CAST: variants seen among roughly 807,000 people sequenced by gnomAD.
CAST encodes the protein calpastatin.
In CAST, 76 loss-of-function variants were observed where a neutral mutation model predicts 119.6. The ratio of observed to expected loss-of-function variants is 0.64; its 90% CI spans 0.53 to 0.77. The LOEUF is 0.77. CAST is among the 30% of genes least tolerant of loss of function. The pLI is 0.00. For synonymous variants in CAST, 319 were observed against 331.6 expected (o/e 0.96, Z 0.41); for missense variants, 953 against 946.5 (o/e 1.01, Z -0.09).
At chr5:95,974,373 A>G in the CAST span, among the ~76,000 whole-genome samples, 1 of 152,202 alleles carries the variant, frequency 6.6e-6, no homozygotes, top group African/African-American at 2.4e-5. Flanking sequence ...TTACTTTAAC[A>G]GGTACGCTCC....
At chr5:96,284,431 C>A in the CAST span, among the ~76,000 whole-genome samples, 2 of 152,126 alleles carry the variant, frequency 1.3e-5, no homozygotes, top group African/African-American at 4.8e-5. Flanking sequence ...CTGCAGCTAA[C>A]CAGCATGGGG....
chr5:96,667,786 G>A (rs1047250812), intron 1 of CAST, among the ~76,000 whole-genome samples: 3 of 152,134 alleles, frequency 2.0e-5, no homozygotes, highest in African/African-American at 7.2e-5. Flanking sequence ...AGGCTGAGGC[G>A]GATGGATCAC....
the CAST span, among the ~76,000 whole-genome samples, chr5:96,169,784 A>T: frequency 1.3e-5 from 2 of 152,090 alleles, no homozygotes; most frequent in Non-Finnish European, 2.9e-5. Flanking sequence ...TGAATTGGTG[A>T]AAAAGGAGAC....
the CAST span, among the ~76,000 whole-genome samples, chr5:96,424,273 TG>T: frequency 1.3e-5 from 2 of 152,150 alleles, no homozygotes; most frequent in African/African-American, 4.8e-5. Context: ...ATAAAGAGGT[TG>T]GGGGGTGGGG....
At chr5:96,731,484 T>C (rs1264471853) in intron 9 of CAST, among the ~76,000 whole-genome samples, 1 of 151,524 alleles carries the variant, frequency 6.6e-6, no homozygotes, top group Non-Finnish European at 1.5e-5. Flanking sequence ...TTTTTTTTTT[T>C]TTTTTTGCAT....
chr5:95,961,991 G>A, the CAST span: 1 of 422,836 alleles, frequency 2.4e-6, no homozygotes, highest in Non-Finnish European at 4.1e-6. Flanking sequence ...ACGGGGGCGG[G>A]CCCAAAGTCA....
At chr5:96,602,791 G>A (rs1439854532) in intron 1 of CAST, among the ~76,000 whole-genome samples, 1 of 152,176 alleles carries the variant, frequency 6.6e-6, no homozygotes, top group Non-Finnish European at 1.5e-5. Context: ...TAAACTTATG[G>A]GAGAAGACCA....
chr5:96,616,022 G>C (rs533878489), intron 1 of CAST, among the ~76,000 whole-genome samples: 1 of 152,246 alleles, frequency 6.6e-6, no homozygotes, highest in South Asian at 2.1e-4. Flanking sequence ...GGCCAGTCTA[G>C]TCTTTTCACG....
chr5:96,317,712 TC>T, the CAST span, among the ~76,000 whole-genome samples: 1 of 152,138 alleles, frequency 6.6e-6, no homozygotes, highest in African/African-American at 2.4e-5. Flanking sequence ...GCAGCAACAA[TC>T]AGAGAAGCCC....
chr5:96,710,347 A>G (rs1755863071), intron 3 of CAST, among the ~76,000 whole-genome samples: 1 of 152,178 alleles, frequency 6.6e-6, no homozygotes, highest in Non-Finnish European at 1.5e-5. Flanking sequence ...GAGCCACTAC[A>G]AAGCCATCTT....
chr5:96,749,870 A>G (rs1366046637), intron 19 of CAST, among the ~76,000 whole-genome samples: 1 of 152,222 alleles, frequency 6.6e-6, no homozygotes, highest in Non-Finnish European at 1.5e-5. Context: ...TTGTGATAAA[A>G]TAAGATGGGA....
At chr5:96,014,367 C>T in the CAST span, among the ~76,000 whole-genome samples, 7 of 151,466 alleles carry the variant, frequency 4.6e-5, no homozygotes, top group African/African-American at 1.5e-4. Flanking sequence ...AAGGATCTGC[C>T]TAAGTTAACT....
chr5:96,230,744 A>G, the CAST span, among the ~76,000 whole-genome samples: 1 of 152,184 alleles, frequency 6.6e-6, no homozygotes, highest in East Asian at 1.9e-4. Flanking sequence ...TGTAAATGAC[A>G]TATGTGAAAA....
chr5:95,970,247 G>A, the CAST span: 1 of 152,148 alleles, frequency 6.6e-6, no homozygotes, highest in African/African-American at 2.4e-5. Context: ...TGGCAGAAAA[G>A]GCCATTCACT....
chr5:96,392,883 G>A, the CAST span: 1 of 1,024,896 alleles, frequency 9.8e-7, no homozygotes, highest in Non-Finnish European at 1.5e-6. Flanking sequence ...AAGAAAAGGT[G>A]CCACAAAGGA....
At chr5:96,112,042 T>C in the CAST span, among the ~76,000 whole-genome samples, 17 of 151,480 alleles carry the variant, frequency 1.1e-4, no homozygotes, top group Non-Finnish European at 2.2e-4. Flanking sequence ...AGTTTTCTAT[T>C]TATATTATTA....
intron 1 of CAST, among the ~76,000 whole-genome samples, chr5:96,617,473 A>G (rs1027652442): frequency 1.3e-5 from 2 of 152,302 alleles, no homozygotes; most frequent in African/African-American, 4.8e-5. Flanking sequence ...ATCTTTATGC[A>G]GGCATCAATA....
chr5:96,721,908 C>T (rs1758328571), intron 3 of CAST, among the ~76,000 whole-genome samples: 1 of 152,192 alleles, frequency 6.6e-6, no homozygotes, highest in African/African-American at 2.4e-5. Flanking sequence ...CACCTCTTGC[C>T]TTCTAAGGAA....
intron 1 of CAST, among the ~76,000 whole-genome samples, chr5:96,611,246 G>A (rs1172968653): frequency 6.6e-6 from 1 of 152,072 alleles, no homozygotes; most frequent in Non-Finnish European, 1.5e-5. Context: ...CATGGTACTG[G>A]TGCAAAAATA....
Sources: allele counts gnomAD v4.1 joint callset (sites outside exome capture counted in the v4.1 genomes callset), GRCh38; gene constraint gnomAD v4.1.1; transcripts MANE v1.5; gene names NCBI Gene and HGNC (gene_info 2026-07-23, HGNC 2026-07-21).